The following BCAS3 variants were observed in gnomAD, a reference collection of about 807,000 sequenced individuals.
The protein encoded by BCAS3 is BCAS4/BCAS3 fusion.
BCAS3 carries 53 observed loss-of-function variants against 116.1 expected under a neutral mutation model. That is an observed-to-expected ratio of 0.46 (90% CI 0.37 to 0.57). BCAS3 has a LOEUF of 0.57. Among genes scored for constraint, BCAS3 ranks in the 20% least tolerant of loss-of-function variants. The probability of loss-of-function intolerance (pLI) is 0.00; values close to 1 mark genes in which losing one functional copy is unlikely to be tolerated. For synonymous variants in BCAS3, 391 were observed against 408.2 expected (o/e 0.96, Z 0.51); for missense variants, 917 against 1,165.4 (o/e 0.79, Z 3.10).
chr17:60,940,645 T>A (rs188893109), intron 13 of BCAS3, among the ~76,000 whole-genome samples: 139 of 152,348 alleles, frequency 9.1e-4, no homozygotes, highest in African/African-American at 3.2e-3. Context: ...AGTTTGTATC[T>A]ATACAGGTGT....
intron 6 of BCAS3, among the ~76,000 whole-genome samples, chr17:60,793,254 G>A (rs1028658332): frequency 6.6e-6 from 1 of 151,992 alleles, no homozygotes; most frequent in Non-Finnish European, 1.5e-5. Flanking sequence ...CTGCCACCAT[G>A]CCCTGCTAAT....
At position 61,347,564 on chromosome 17, in the gene BCAS3, TAC is replaced by T. The variant is rs1292379735; in HGVS notation, c.2426-20761_2426-20760del. 6.6e-6 allele frequency among the ~76,000 whole-genome samples: 1 copy of T among 152,200 alleles called. No homozygotes were observed. Among genetic ancestry groups the T allele is most frequent in the African/African-American group, 2.4e-5 (1 of 41,448 alleles). On this transcript the variant is annotated intron_variant, in intron 22 of 23. Transcript: ENST00000407086. This position sits in a 1 kb window ranked among gnomAD's most constrained non-coding sequence, Gnocchi z 4.3. ...AGCCAGATGCTGCCCAGCAGGAACT[TAC>T]AGTCTAGTGGGAAGAATAGGGCCAT...
chr17:61,352,645 G>A lies in BCAS3; in HGVS notation c.2426-15682G>A, dbSNP rs924616795. Reference sequence around the variant, plus strand: ...GCACACAATGAGTCTGTGAGTTGAGGGGAAATCACAACCAGATTAACACAG... The same window carrying A: ...GCACACAATGAGTCTGTGAGTTGAGAGGAAATCACAACCAGATTAACACAG... On this transcript the variant is annotated intron_variant, in intron 22 of 23. Coordinates refer to ENST00000407086, the MANE Select transcript of BCAS3 (RefSeq NM_017679.5). The surrounding 1 kb of genome is among the most constrained non-coding windows in gnomAD (Gnocchi z 4.7). 6.6e-6 allele frequency among the ~76,000 whole-genome samples: 1 copy of A among 152,178 alleles called. No individual in the cohort carries two copies.
intron 16 of BCAS3, among the ~76,000 whole-genome samples, chr17:61,022,491 G>C (rs530949580): frequency 6.6e-6 from 1 of 152,180 alleles, no homozygotes; most frequent in South Asian, 2.1e-4. Flanking sequence ...TGATCCACCT[G>C]CCTCCACCTC....
In BCAS3 at chr17:61,105,447, A is replaced by C. The variant is rs1035664932; in HGVS notation, c.2425+20883A>C. ...AGAATTTTTTTTATTTTTTTGAGACAGAGTTTCGCTCTTGTTGCCCAGGCT... is the reference window on the plus strand; with the variant it reads ...AGAATTTTTTTTATTTTTTTGAGACCGAGTTTCGCTCTTGTTGCCCAGGCT... On this transcript the variant is annotated intron_variant, in intron 22 of 23. Coordinates refer to ENST00000407086, the MANE Select transcript of BCAS3 (RefSeq NM_017679.5). The surrounding 1 kb of genome is among the most constrained non-coding windows in gnomAD (Gnocchi z 4.3). Among the ~76,000 whole-genome samples the C allele has an allele frequency of 6.6e-6, 1 of 152,138 alleles. No homozygotes were observed. Among genetic ancestry groups the C allele is most frequent in the Non-Finnish European group, 1.5e-5 (1 of 68,022 alleles).
At chr17:60,965,547 T>A (rs1226692796) in intron 14 of BCAS3, among the ~76,000 whole-genome samples, 3 of 152,090 alleles carry the variant, frequency 2.0e-5, no homozygotes, top group African/African-American at 7.2e-5. Context: ...ATTTTTCCAT[T>A]TTCACTTGTT....
intron 22 of BCAS3, among the ~76,000 whole-genome samples, chr17:61,357,366 G>C (rs149602184): frequency 4.0e-5 from 6 of 149,740 alleles, no homozygotes; most frequent in Non-Finnish European, 8.9e-5. Flanking sequence ...AGAGTTCAAG[G>C]CTGCAGTAAG....
intron 22 of BCAS3, among the ~76,000 whole-genome samples, chr17:61,257,381 A>G (rs530666064): frequency 6.8e-4 from 97 of 143,172 alleles, no homozygotes; most frequent in African/African-American, 2.4e-3. Flanking sequence ...TGATCACACC[A>G]CTGCACTCCA....
chr17:60,899,081 A>T (rs918740126), intron 10 of BCAS3, among the ~76,000 whole-genome samples: 10 of 152,154 alleles, frequency 6.6e-5, no homozygotes, highest in Admixed American at 6.5e-4. Flanking sequence ...AGGCTCCCCA[A>T]TGATGAGAGC....
Position 61,224,107 on chromosome 17 carries a change from T to C in BCAS3, c.2425+139543T>C, listed in dbSNP as rs2082252783. 6.6e-6 allele frequency among the ~76,000 whole-genome samples: 1 copy of C among 152,252 alleles called. No individual in the cohort carries two copies. The highest frequency in any genetic ancestry group is 1.5e-5 in the Non-Finnish European group (1 of 68,048). The stretch of plus-strand genomic sequence containing the variant: ...TGATAGTCCCATCTTTTCTCCTATA[T>C]TTGATTATAGAAAGCAGTTTTTATT... On this transcript the variant is annotated intron_variant, in intron 22 of 23. Transcript: ENST00000407086. The surrounding 1 kb of genome is among the most constrained non-coding windows in gnomAD (Gnocchi z 5.7).
intron 19 of BCAS3, among the ~76,000 whole-genome samples, chr17:61,043,671 T>G (rs2067736050): frequency 6.6e-6 from 1 of 151,932 alleles, no homozygotes; most frequent in Admixed American, 6.5e-5. Context: ...GGCCTGTGTG[T>G]GCGAGAGTGC....
intron 6 of BCAS3, among the ~76,000 whole-genome samples, chr17:60,776,427 A>G (rs1255104424): frequency 2.0e-5 from 3 of 152,224 alleles, no homozygotes; most frequent in Non-Finnish European, 2.9e-5. Context: ...TTATAACAAT[A>G]TAAGAACAAA....
At chr17:60,689,638 T>C (rs2034552164) in intron 3 of BCAS3, 48 bp from the exon 4 acceptor site, 1 of 1,407,920 alleles carries the variant, frequency 7.1e-7, no homozygotes, top group African/African-American at 1.4e-5. Flanking sequence ...ATCAGTAATA[T>C]TAAAGCTGTA....
chr17:60,694,878 CACA>C (rs1455838416), intron 4 of BCAS3, among the ~76,000 whole-genome samples: 1 of 152,094 alleles, frequency 6.6e-6, no homozygotes, highest in Non-Finnish European at 1.5e-5. Context: ...GTACCCATTG[CACA>C]ACAACTCCAC....
rs532536714 is a variant in BCAS3, at chr17:61,230,062, T to C, written c.2426-138265T>C. On this transcript the variant is annotated intron_variant, in intron 22 of 23. Coordinates refer to ENST00000407086, the MANE Select transcript of BCAS3 (RefSeq NM_017679.5). ...ATTGGTTGAACCCAGGAGGCCGAGG[T>C]TGCAGTGAGCTGAGATCATGCCACT... 3.3e-5 allele frequency among the ~76,000 whole-genome samples: 5 copies of C among 151,938 alleles called. No individual in the cohort carries two copies. In the South Asian group the frequency reaches 6.2e-4, roughly 19 times the overall value.
At chr17:60,870,724 A>G (rs2055025381) in intron 8 of BCAS3, among the ~76,000 whole-genome samples, 1 of 152,170 alleles carries the variant, frequency 6.6e-6, no homozygotes, top group South Asian at 2.1e-4. Context: ...CTCTATAGAC[A>G]TGTGACTTAT....
At chr17:61,040,976 C>T in intron 19 of BCAS3, 84 bp downstream of exon 19, 2 of 1,157,992 alleles carry the variant, frequency 1.7e-6, no homozygotes, top group Admixed American at 3.5e-5. Flanking sequence ...GCAAACATTA[C>T]CACTGGTCCA....
chr17:60,844,409 G>A (rs1317358370), intron 7 of BCAS3, among the ~76,000 whole-genome samples: 2 of 152,082 alleles, frequency 1.3e-5, no homozygotes. Context: ...AATTTCATTG[G>A]TGTTTACTAA....
intron 22 of BCAS3, among the ~76,000 whole-genome samples, chr17:61,218,159 T>TAA (rs1264283808): frequency 6.6e-6 from 1 of 152,220 alleles, no homozygotes; most frequent in East Asian, 1.9e-4. Context: ...TACAACTTGT[T>TAA]CCTCCTGGAG....
Sources: allele counts gnomAD v4.1 joint callset (sites outside exome capture counted in the v4.1 genomes callset), GRCh38; gene constraint gnomAD v4.1.1; non-coding constraint Gnocchi (gnomAD v3.1); transcripts MANE v1.5; gene names NCBI Gene and HGNC (gene_info 2026-07-23, HGNC 2026-07-21).